The following OGFOD2 variants were observed in gnomAD, a reference collection of about 807,000 sequenced individuals.
OGFOD2 encodes the protein 2-oxoglutarate and iron dependent oxygenase domain containing 2, also known as 2-oxoglutarate and iron-dependent oxygenase domain-containing protein 2.
OGFOD2 carries 34 observed loss-of-function variants against 31.1 expected under a neutral mutation model. The ratio of observed to expected loss-of-function variants is 1.09; its 90% CI spans 0.83 to 1.45. The LOEUF (loss-of-function observed/expected upper bound fraction) is 1.45, where lower values mean the gene tolerates loss of function less well. Among genes scored for constraint, OGFOD2 ranks in the 40% most tolerant of loss-of-function variants. The pLI is 0.00. For synonymous variants in OGFOD2, 240 were observed against 192.3 expected (o/e 1.25, Z -2.05); for missense variants, 537 against 433.9 (o/e 1.24, Z -2.11).
exon 7 of OGFOD2, chr12:122,979,422 C>A (rs1386173298): frequency 1.3e-6 from 2 of 1,485,888 alleles, no homozygotes; most frequent in Non-Finnish European, 1.8e-6. Flanking sequence ...GAAATAAAAT[C>A]CCCGCAGCCT....
chr12:122,976,455 A>C, intron 2 of OGFOD2, 199 bp from the exon 3 acceptor site: 1 of 1,588,976 alleles, frequency 6.3e-7, no homozygotes, highest in Non-Finnish European at 8.6e-7. Context: ...AGCCTGAAAC[A>C]GGATGGGTCC....
At chr12:122,978,805 A>C in exon 6 of OGFOD2, 1 of 1,612,288 alleles carries the variant, frequency 6.2e-7, no homozygotes, top group Non-Finnish European at 8.5e-7. Flanking sequence ...CCACTGCGGG[A>C]GCGCTTCCTG....
upstream of OGFOD2, chr12:122,975,218 C>T: frequency 1.7e-6 from 1 of 600,900 alleles, no homozygotes; most frequent in Non-Finnish European, 3.1e-6. Context: ...CGAAGTCTCT[C>T]TACGGAAGCT....
exon 7 of OGFOD2, chr12:122,979,625 C>A: frequency 6.2e-6 from 3 of 481,568 alleles, no homozygotes; most frequent in East Asian, 3.4e-5. Flanking sequence ...GCTGGCCCCA[C>A]GGAGAGCTCC....
chr12:122,979,105 C>G, exon 7 of OGFOD2: 1 of 1,600,976 alleles, frequency 6.2e-7, no homozygotes, highest in Non-Finnish European at 8.5e-7. Flanking sequence ...CTGACGGAGC[C>G]CCTGGAGGTG....
At chr12:122,978,902 C>G in exon 6 of OGFOD2, 1 of 1,612,964 alleles carries the variant, frequency 6.2e-7, no homozygotes, top group Non-Finnish European at 8.5e-7. Flanking sequence ...ACGCACCGGG[C>G]CAGGACCTGG....
At chr12:122,978,730 T>G in intron 5 of OGFOD2, 23 bp from the exon 6 acceptor site, 1 of 1,599,580 alleles carries the variant, frequency 6.3e-7, no homozygotes, top group Non-Finnish European at 8.5e-7. Context: ...GTTTCCTTGC[T>G]GACCCCAGGA....
exon 6 of OGFOD2, chr12:122,978,953 T>C (rs2135959627): frequency 1.2e-6 from 2 of 1,613,282 alleles, no homozygotes; most frequent in East Asian, 2.2e-5. Context: ...TCACCCTCAA[T>C]GTGGCCTTGG....
upstream of OGFOD2, chr12:122,974,834 G>A (rs2037358786): frequency 6.2e-6 from 1 of 160,766 alleles, no homozygotes; most frequent in Non-Finnish European, 1.4e-5. Context: ...TGAAGCACCA[G>A]CGGGAACTAG....
In OGFOD2 at chr12:122,978,919, G is replaced by A. The variant is rs899959188; in HGVS notation, c.698G>A (p.Gly233Asp). ...GCACCGGGCCAGGACCTGGAGCTGGGCTGCCACTATGATAATGCCGAGCTC... is the reference window on the plus strand; with the variant it reads ...GCACCGGGCCAGGACCTGGAGCTGGACTGCCACTATGATAATGCCGAGCTC... Residue 233 changes from glycine to aspartate, a missense_variant, in exon 6 of 7, where the codon GGC becomes GAC. By Grantham distance (94) the Gly-to-Asp change is moderately conservative (BLOSUM62 -1). Transcript: ENST00000228922. 2.2e-5 allele frequency: 35 copies of A among 1,612,852 alleles called. No homozygotes were observed. The highest frequency in any genetic ancestry group is 5.0e-5 in the Admixed American group (3 of 60,002).
intron 1 of OGFOD2, chr12:122,975,602 A>T (rs2037395214): frequency 1.0e-5 from 6 of 599,864 alleles, no homozygotes; most frequent in Non-Finnish European, 1.8e-5. Context: ...TAGGGTGCTT[A>T]GGACAGGGCC....
At chr12:122,975,503 A>T in intron 1 of OGFOD2, 120 bp downstream of exon 1, 1 of 593,476 alleles carries the variant, frequency 1.7e-6, no homozygotes, top group Non-Finnish European at 3.0e-6. Flanking sequence ...AAATACAAGA[A>T]TGACGGCCTC....
intron 3 of OGFOD2, 41 bp downstream of exon 3, chr12:122,976,808 G>A (rs1175501775): frequency 6.2e-7 from 1 of 1,601,752 alleles, no homozygotes; most frequent in Non-Finnish European, 8.5e-7. Flanking sequence ...GTACTGGAAA[G>A]AGGAGGTAGC....
chr12:122,976,970 G>A, exon 4 of OGFOD2: 1 of 1,613,236 alleles, frequency 6.2e-7, no homozygotes, highest in Non-Finnish European at 8.5e-7. Flanking sequence ...GACAGTATCG[G>A]GTGAGGTCCT....
At chr12:122,978,387 G>A in intron 4 of OGFOD2, 55 bp from the exon 5 acceptor site, 1 of 1,603,118 alleles carries the variant, frequency 6.2e-7, no homozygotes, top group Non-Finnish European at 8.5e-7. Flanking sequence ...CTGAAGCCCA[G>A]GCCTGGCCGG....
Position 122,978,840 on chromosome 12 carries a change from CCTGA to C in OGFOD2, c.623_626del (p.Asp208ValfsTer60). ...GCAGCCGCTGATGGCCCTGCTGTAC[CCTGA>C]CTGTGGCGGGGGCCGGCTCGACAGC... is the stretch of plus-strand genomic sequence containing the variant. On this transcript the variant is annotated frameshift_variant, in exon 6 of 7. Coordinates refer to ENST00000228922, the Ensembl canonical transcript of OGFOD2. LOFTEE classifies it high-confidence loss of function. 6.2e-7 allele frequency: 1 copy of C among 1,612,850 alleles called. No individual in the cohort carries two copies. The highest frequency in any genetic ancestry group is 1.1e-5 in the South Asian group (1 of 91,062).
At chr12:122,979,136 T>C (rs1411122315) in exon 7 of OGFOD2, 15 of 1,606,240 alleles carry the variant, frequency 9.3e-6, no homozygotes, top group Admixed American at 1.7e-5. Context: ...TGGGCCAGGG[T>C]GTCCTCCACC....
In OGFOD2 at chr12:122,979,062, C is replaced by T. The variant is rs751871926; in HGVS notation, c.790-21C>T. The T allele has an allele frequency of 2.5e-6, 4 of 1,599,958 alleles. No homozygotes were observed. In the African/African-American group the frequency reaches 4.0e-5, roughly 16 times the overall value. ...CCTGGGGCAGCTGTGAGTGCCCAGG[C>T]CTGAGTCGTGCCATCTGCAGGCACC... On this transcript the variant is annotated intron_variant, in intron 6 of 6. Coordinates refer to ENST00000228922, the Ensembl canonical transcript of OGFOD2.
At position 122,977,035 on chromosome 12, in the gene OGFOD2, G is replaced by C. The variant is rs750756129; in HGVS notation, c.403+65G>C. The C allele has an allele frequency of 4.7e-6, 7 of 1,479,664 alleles. No individual in the cohort carries two copies. The African/African-American group carries it at 9.7e-5, about 21-fold the overall frequency. 91.7% of individuals were successfully genotyped at this position (1,479,664 alleles called of 1,614,324 possible). The stretch of plus-strand genomic sequence containing the variant: ...GGCAGCCTGGGAAACCTGGGTGTGG[G>C]ATGCTGGGGTCCCTCCAGCCACCAT... On this transcript the variant is annotated intron_variant, in intron 4 of 6. Transcript: ENST00000228922.
Sources: gnomAD v4.1 joint callset for allele counts on GRCh38, gnomAD v4.1.1 for gene constraint, MANE v1.5 for transcripts, NCBI Gene and HGNC (gene_info 2026-07-23, HGNC 2026-07-21) for gene names.